NELL2: variants seen among roughly 807,000 people sequenced by gnomAD.
NELL2 encodes the protein neural EGFL like 2.
NELL2 carries 41 observed loss-of-function variants against 109.6 expected under a neutral mutation model. The observed-to-expected ratio is 0.37, with a 90% confidence interval of 0.29 to 0.49. The LOEUF is 0.49. NELL2 is among the 20% of genes least tolerant of loss of function. NELL2 has a pLI of 0.98. For missense variants in NELL2, 900 were observed against 1,008.3 expected, an observed-to-expected ratio of 0.89 and a Z score of 1.45; for synonymous variants, 355 against 344.7, an observed-to-expected ratio of 1.03 and a Z score of -0.33.
At chr12:44,559,330 A>G (rs1256907536) in intron 15 of NELL2, among the ~76,000 whole-genome samples, 2 of 152,234 alleles carry the variant, frequency 1.3e-5, no homozygotes, top group South Asian at 2.1e-4. Context: ...ACATAACAAT[A>G]TTAACCTTAA....
At chr12:44,716,156 C>T (rs1421849058) in intron 9 of NELL2, among the ~76,000 whole-genome samples, 1 of 152,036 alleles carries the variant, frequency 6.6e-6, no homozygotes, top group Non-Finnish European at 1.5e-5. Flanking sequence ...CAAAGTATAA[C>T]CTGACTCTCG....
At chr12:44,657,056 C>A (rs1947529944) in intron 13 of NELL2, among the ~76,000 whole-genome samples, 2 of 152,206 alleles carry the variant, frequency 1.3e-5, no homozygotes, top group African/African-American at 4.8e-5. Flanking sequence ...GCATGGGTTA[C>A]AACTGACTTA....
At chr12:44,745,556 C>T (rs1008055092) in intron 9 of NELL2, among the ~76,000 whole-genome samples, 6 of 152,110 alleles carry the variant, frequency 3.9e-5, no homozygotes, top group East Asian at 1.9e-4. Flanking sequence ...AAAACCCAAT[C>T]GTCTCAGCCC....
intron 9 of NELL2, among the ~76,000 whole-genome samples, chr12:44,762,425 C>CA (rs1161092375): frequency 1.3e-5 from 2 of 152,152 alleles, no homozygotes; most frequent in African/African-American, 4.8e-5. Flanking sequence ...ATAGTACATC[C>CA]AAAACCTAAT....
intron 13 of NELL2, among the ~76,000 whole-genome samples, chr12:44,658,352 A>G (rs1947589281): frequency 2.6e-5 from 4 of 152,208 alleles, no homozygotes; most frequent in African/African-American, 9.6e-5. Context: ...AATTGCTACA[A>G]AGAGAATAAA....
upstream of NELL2, among the ~76,000 whole-genome samples, chr12:44,917,454 C>T (rs1945836983): frequency 1.3e-5 from 2 of 152,106 alleles, no homozygotes; most frequent in Non-Finnish European, 2.9e-5. Flanking sequence ...TAATATATTG[C>T]ACATGGCCAG....
chr12:44,622,733 C>T (rs1401234805), intron 13 of NELL2, among the ~76,000 whole-genome samples: 3 of 151,950 alleles, frequency 2.0e-5, no homozygotes, highest in Non-Finnish European at 4.4e-5. Flanking sequence ...AGAATGATTC[C>T]TCCGATTTTA....
chr12:44,747,517 C>T (rs1370397288), intron 9 of NELL2, among the ~76,000 whole-genome samples: 43 of 151,858 alleles, frequency 2.8e-4, no homozygotes, highest in Admixed American at 2.8e-3. Flanking sequence ...ATGTGTTACT[C>T]AACTATTTAC....
intron 13 of NELL2, among the ~76,000 whole-genome samples, chr12:44,645,396 G>C (rs1162695930): frequency 6.6e-6 from 1 of 152,186 alleles, no homozygotes; most frequent in African/African-American, 2.4e-5. Context: ...TAATGGAAGG[G>C]AGACAAAGAC....
intron 5 of NELL2, among the ~76,000 whole-genome samples, chr12:44,779,354 G>A (rs1162177486): frequency 6.6e-6 from 1 of 152,134 alleles, no homozygotes; most frequent in African/African-American, 2.4e-5. Context: ...GTGGTGGAGA[G>A]TTTATTTGTA....
chr12:44,705,150 C>T (rs1937798905), intron 11 of NELL2, among the ~76,000 whole-genome samples: 1 of 151,896 alleles, frequency 6.6e-6, no homozygotes, highest in Non-Finnish European at 1.5e-5. Context: ...TTCATCTTAT[C>T]TGTAATCAAA....
intron 16 of NELL2, among the ~76,000 whole-genome samples, chr12:44,530,504 G>C (rs1301274008): frequency 1.3e-5 from 2 of 152,196 alleles, no homozygotes; most frequent in Non-Finnish European, 2.9e-5. Flanking sequence ...TCACCACTTA[G>C]TATTCAAGCC....
At chr12:44,566,887 C>CT (rs1381429747) in intron 15 of NELL2, among the ~76,000 whole-genome samples, 1 of 151,940 alleles carries the variant, frequency 6.6e-6, no homozygotes, top group Admixed American at 6.6e-5. Context: ...TCTTGGCTCA[C>CT]TGAAACATCC....
intron 15 of NELL2, among the ~76,000 whole-genome samples, chr12:44,595,593 ATTTTTT>A (rs57566164): frequency 9.1e-5 from 11 of 121,314 alleles, no homozygotes; most frequent in African/African-American, 3.1e-4. Context: ...CACCCAGCTA[ATTTTTT>A]TTTTTTTTTT....
chr12:44,578,114 G>T (rs1944178505), intron 15 of NELL2, among the ~76,000 whole-genome samples: 1 of 151,982 alleles, frequency 6.6e-6, no homozygotes, highest in Non-Finnish European at 1.5e-5. Context: ...GAAGTAAATG[G>T]TTGTTTTAAC....
At chr12:44,742,054 A>AC (rs1004926966) in intron 9 of NELL2, among the ~76,000 whole-genome samples, 1 of 151,840 alleles carries the variant, frequency 6.6e-6, no homozygotes, top group Non-Finnish European at 1.5e-5. Context: ...ACTGGGAGGC[A>AC]CCCCCCAGTA....
At chr12:44,527,870 G>C (rs111417125) in intron 16 of NELL2, among the ~76,000 whole-genome samples, 5 of 152,010 alleles carry the variant, frequency 3.3e-5, no homozygotes, top group Middle Eastern at 3.4e-3. Context: ...GAGGCGGACG[G>C]ATCACGAGGT....
chr12:44,736,004 CTTTTTTT>C (rs35988182), intron 9 of NELL2, among the ~76,000 whole-genome samples: 228 of 99,402 alleles, frequency 2.3e-3, no homozygotes, highest in Non-Finnish European at 3.7e-3. Context: ...GCAGTTAATT[CTTTTTTT>C]TTTTTTTTTT....
intron 13 of NELL2, among the ~76,000 whole-genome samples, chr12:44,647,663 A>G (rs1414587335): frequency 6.6e-6 from 1 of 152,214 alleles, no homozygotes; most frequent in Non-Finnish European, 1.5e-5. Flanking sequence ...CCACTTTCTA[A>G]TGAGAAGACA....
Sources: allele counts gnomAD v4.1 joint callset (sites outside exome capture counted in the v4.1 genomes callset), GRCh38; gene constraint gnomAD v4.1.1; transcripts MANE v1.5; gene names NCBI Gene and HGNC (gene_info 2026-07-23, HGNC 2026-07-21).